Variants in PIK3CB observed in about 807,000 individuals in gnomAD.
PIK3CB encodes the protein phosphatidylinositol-4,5-bisphosphate 3-kinase catalytic subunit beta.
In PIK3CB, 39 loss-of-function variants were observed where a neutral mutation model predicts 136.8. The observed-to-expected ratio is 0.29, with a 90% CI of 0.22 to 0.37. The LOEUF (loss-of-function observed/expected upper bound fraction) is 0.37, where lower values mean the gene tolerates loss of function less well. Among genes scored for constraint, PIK3CB ranks in the 10% least tolerant of loss-of-function variants. The pLI is 1.00. For missense variants in PIK3CB, 868 were observed against 1,275.4 expected (o/e 0.68, Z 4.87); for synonymous variants, 428 against 436.6 (o/e 0.98, Z 0.25).
At chr3:138,765,102 T>G (rs764871278) in intron 2 of PIK3CB, among the ~76,000 whole-genome samples, 2 of 152,178 alleles carry the variant, frequency 1.3e-5, no homozygotes, top group Non-Finnish European at 2.9e-5. Flanking sequence ...GGTGAATCAC[T>G]TGAGGTCAGG....
chr3:138,754,221 G>A (rs1445850611), intron 4 of PIK3CB, among the ~76,000 whole-genome samples: 2 of 152,116 alleles, frequency 1.3e-5, no homozygotes, highest in South Asian at 2.1e-4. Context: ...CAGACAGCTC[G>A]AGTCCAGGAG....
intron 19 of PIK3CB, among the ~76,000 whole-genome samples, chr3:138,680,311 T>C (rs1304803696): frequency 6.6e-6 from 1 of 150,854 alleles, no homozygotes; most frequent in Non-Finnish European, 1.5e-5. Flanking sequence ...TGAGCCGAGA[T>C]CGCACCACTG....
chr3:138,705,117 ATCT>A (rs1272483684), intron 11 of PIK3CB, among the ~76,000 whole-genome samples: 1 of 144,122 alleles, frequency 6.9e-6, no homozygotes, highest in Admixed American at 7.4e-5. Flanking sequence ...TCCCAAACTG[ATCT>A]TCTTCAAGAA....
chr3:138,655,442 T>C lies in PIK3CB; in HGVS notation c.3160A>G (p.Thr1054Ala). Residue 1054 changes from threonine to alanine, a missense_variant, in exon 24 of 24, where the codon ACT becomes GCT. Coordinates refer to ENST00000674063, the MANE Select transcript of PIK3CB (RefSeq NM_006219.3). ...TGGGCCATCCAGTTCACTTTAGTAG[T>C]CCAGCTTTCCCTGAGCGCCTCATCA... ...KFDEALRESW[T>A]TKVNWMAHTV... 4.3e-6 allele frequency: 7 copies of C among 1,614,046 alleles called. No individual in the cohort carries two copies. The highest frequency in any genetic ancestry group is 5.9e-6 in the Non-Finnish European group (7 of 1,179,860).
At chr3:138,815,807 T>C (rs764286619) in intron 1 of PIK3CB, among the ~76,000 whole-genome samples, 1 of 152,188 alleles carries the variant, frequency 6.6e-6, no homozygotes, top group East Asian at 1.9e-4. Context: ...GATTTTGACA[T>C]CCACAGGGAA....
At chr3:138,790,228 C>T (rs904715968) in intron 2 of PIK3CB, among the ~76,000 whole-genome samples, 3 of 151,916 alleles carry the variant, frequency 2.0e-5, no homozygotes, top group Non-Finnish European at 2.9e-5. Flanking sequence ...TATGGAGTTT[C>T]GGTTAGGGAT....
chr3:138,659,373 G>A (rs2043246787), intron 21 of PIK3CB, among the ~76,000 whole-genome samples: 1 of 152,066 alleles, frequency 6.6e-6, no homozygotes, highest in Admixed American at 6.5e-5. Context: ...ACTTGACTGG[G>A]CGTGGTGGCG....
chr3:138,823,134 T>C (rs1933634714), intron 1 of PIK3CB, among the ~76,000 whole-genome samples: 1 of 151,394 alleles, frequency 6.6e-6, no homozygotes, highest in South Asian at 2.1e-4. Context: ...AAACACTGAC[T>C]TTAATAGAAT....
intron 1 of PIK3CB, among the ~76,000 whole-genome samples, chr3:138,816,288 ATAAAT>A (rs1337652626): frequency 1.3e-5 from 2 of 152,052 alleles, no homozygotes; most frequent in Non-Finnish European, 2.9e-5. Flanking sequence ...TAAAAAGTAA[ATAAAT>A]TAAAATAAAA....
intron 19 of PIK3CB, among the ~76,000 whole-genome samples, chr3:138,668,740 T>C (rs1030563005): frequency 1.3e-5 from 2 of 152,226 alleles, no homozygotes; most frequent in Non-Finnish European, 2.9e-5. Flanking sequence ...GCTACATTGA[T>C]ATATTGCACT....
intron 12 of PIK3CB, among the ~76,000 whole-genome samples, chr3:138,702,683 A>T (rs2044280589): frequency 6.6e-6 from 1 of 152,216 alleles, no homozygotes; most frequent in African/African-American, 2.4e-5. Flanking sequence ...TAACACCTGT[A>T]AGAAATTTGT....
intron 19 of PIK3CB, among the ~76,000 whole-genome samples, chr3:138,670,924 T>C (rs1390576841): frequency 6.6e-6 from 1 of 152,164 alleles, no homozygotes; most frequent in African/African-American, 2.4e-5. Context: ...AAGTGTAACT[T>C]GGAAAAACCT....
chr3:138,742,898 T>C, intron 4 of PIK3CB, 117 bp from the exon 5 acceptor site: 2 of 568,756 alleles, frequency 3.5e-6, no homozygotes, highest in Non-Finnish European at 6.1e-6. Context: ...TTGGCTTTTA[T>C]CAAGCAGATG....
chr3:138,745,305 T>A (rs1467282692), intron 4 of PIK3CB, among the ~76,000 whole-genome samples: 1 of 152,060 alleles, frequency 6.6e-6, no homozygotes, highest in East Asian at 1.9e-4. Flanking sequence ...ACGGGCATCA[T>A]CCAATATCAA....
At chr3:138,659,992 T>C (rs889413704) in intron 21 of PIK3CB, among the ~76,000 whole-genome samples, 1 of 151,500 alleles carries the variant, frequency 6.6e-6, no homozygotes, top group African/African-American at 2.4e-5. Flanking sequence ...TCTCCTTCTT[T>C]CTGGAATATC....
At chr3:138,740,280 C>T (rs1005513964) in intron 5 of PIK3CB, among the ~76,000 whole-genome samples, 1 of 152,192 alleles carries the variant, frequency 6.6e-6, no homozygotes, top group Non-Finnish European at 1.5e-5. Context: ...ATCCCTTGAA[C>T]CTGAAACGGG....
chr3:138,705,181 C>CAAAAAAAAAAAAAAAAAA (rs1277322816), intron 11 of PIK3CB, among the ~76,000 whole-genome samples: 1 of 58,528 alleles, frequency 1.7e-5, no homozygotes, highest in Admixed American at 2.2e-4. Context: ...AAACAAAAAA[C>CAAAAAAAAAAAAAAAAAA]AAAACAAACA....
At position 138,820,998 on chromosome 3, in the gene PIK3CB, T is replaced by G. The variant is rs1933534873; in HGVS notation, c.-122+13697A>C. Among the ~76,000 whole-genome samples, 3 of 152,188 alleles carry G rather than the reference T, an allele frequency of 2.0e-5. No homozygotes were observed. The South Asian group carries it at 6.2e-4, about 32-fold the overall frequency. ...ATAGGATAATGCCTACAAAAAGAAT[T>G]AATGGGGGCTGGGCACGGTGGCTCA... On this transcript the variant is annotated intron_variant, in intron 1 of 23. Coordinates refer to ENST00000674063, the MANE Select transcript of PIK3CB (RefSeq NM_006219.3).
intron 1 of PIK3CB, among the ~76,000 whole-genome samples, chr3:138,815,912 A>G (rs1371877572): frequency 1.3e-5 from 2 of 152,256 alleles, no homozygotes; most frequent in African/African-American, 2.4e-5. Flanking sequence ...GAAATCCTCA[A>G]TACATGGCAG....
Sources: gnomAD v4.1 joint callset for allele counts (sites outside exome capture counted in the v4.1 genomes callset) on GRCh38, gnomAD v4.1.1 for gene constraint, MANE v1.5 for transcripts, NCBI Gene and HGNC (gene_info 2026-07-23, HGNC 2026-07-21) for gene names.